BRINP3: variants seen among roughly 807,000 people sequenced by gnomAD.
BRINP3 encodes the protein BMP/retinoic acid inducible neural specific 3.
A neutral mutation model predicts 71.0 loss-of-function variants in BRINP3; 19 were observed. The observed-to-expected ratio is 0.27, with a 90% CI of 0.19 to 0.39. The LOEUF is 0.39. Ranked by LOEUF, BRINP3 falls within the 10% of genes least tolerant of loss-of-function variation. The pLI is 1.00. For missense variants in BRINP3, 959 were observed against 940.8 expected (o/e 1.02, Z -0.25); for synonymous variants, 380 against 337.7 (o/e 1.13, Z -1.37).
At chr1:190,222,273 A>G (rs1010687398) in intron 6 of BRINP3, among the ~76,000 whole-genome samples, 1 of 152,048 alleles carries the variant, frequency 6.6e-6, no homozygotes, top group African/African-American at 2.4e-5. Flanking sequence ...AACCTTGGAA[A>G]ATACACAAAC....
At chr1:190,390,830 C>T (rs1228285304) in intron 2 of BRINP3, among the ~76,000 whole-genome samples, 1 of 151,756 alleles carries the variant, frequency 6.6e-6, no homozygotes, top group Non-Finnish European at 1.5e-5. Flanking sequence ...GACCTGGAGT[C>T]CTACAGTCTC....
intron 2 of BRINP3, among the ~76,000 whole-genome samples, chr1:190,393,560 C>T (rs1005520072): frequency 6.6e-6 from 1 of 151,470 alleles, no homozygotes; most frequent in Non-Finnish European, 1.5e-5. Flanking sequence ...TTTTTATATG[C>T]ATTTATTTTT....
chr1:190,203,323 G>A (rs1030315981), intron 6 of BRINP3, among the ~76,000 whole-genome samples: 32 of 151,438 alleles, frequency 2.1e-4, no homozygotes, highest in African/African-American at 7.5e-4. Flanking sequence ...TGCCTCTAAA[G>A]GACCATGAGA....
chr1:190,264,015 A>G (rs1661428626), intron 4 of BRINP3, among the ~76,000 whole-genome samples: 1 of 152,060 alleles, frequency 6.6e-6, no homozygotes, highest in Non-Finnish European at 1.5e-5. Flanking sequence ...ACACTCCAAA[A>G]TGCTCTCTCT....
intron 3 of BRINP3, among the ~76,000 whole-genome samples, chr1:190,280,515 A>G (rs1462662731): frequency 6.6e-6 from 1 of 151,864 alleles, no homozygotes; most frequent in African/African-American, 2.4e-5. Flanking sequence ...GCAGGTGAGG[A>G]AAGAGTTTGA....
At position 190,256,734 on chromosome 1, in the gene BRINP3, T is replaced by A. The variant is rs558280046; in HGVS notation, c.618+8131A>T. Among the ~76,000 whole-genome samples, 7 of 152,290 alleles carry A rather than the reference T, an allele frequency of 4.6e-5. No individual in the cohort carries two copies. In the East Asian group the frequency reaches 9.6e-4, roughly 21 times the overall value. On this transcript the variant is annotated intron_variant, in intron 4 of 7. Coordinates refer to ENST00000367462, the MANE Select transcript of BRINP3 (RefSeq NM_199051.3). ...TGTCTGTAAATGATTTTATTTCTCCTTAAATTATGAAGCTTAGTTTGAGCT... is the reference window on the plus strand; with the variant it reads ...TGTCTGTAAATGATTTTATTTCTCCATAAATTATGAAGCTTAGTTTGAGCT...
chr1:190,376,423 T>C (rs1441329458), intron 2 of BRINP3, among the ~76,000 whole-genome samples: 1 of 152,086 alleles, frequency 6.6e-6, no homozygotes, highest in Admixed American at 6.6e-5. Flanking sequence ...GGCTATCATC[T>C]GTCTGCCTAC....
intron 2 of BRINP3, among the ~76,000 whole-genome samples, chr1:190,406,399 T>C (rs1672284756): frequency 6.6e-6 from 1 of 152,196 alleles, no homozygotes; most frequent in Non-Finnish European, 1.5e-5. Flanking sequence ...CACATTATAC[T>C]ACTATTTCTA....
At chr1:190,336,379 C>T (rs1667286197) in intron 2 of BRINP3, among the ~76,000 whole-genome samples, 1 of 151,866 alleles carries the variant, frequency 6.6e-6, no homozygotes, top group Admixed American at 6.6e-5. Flanking sequence ...TTATAATAAA[C>T]TATATATGAG....
Position 190,164,399 on chromosome 1 carries a change from T to C in BRINP3, c.962-3509A>G, listed in dbSNP as rs139479750. On this transcript the variant is annotated intron_variant, in intron 6 of 7. Transcript: ENST00000367462. Reference sequence around the variant, plus strand: ...TCAAAACAGAAGCTGCTGTCATTGGTAAGCAGGACTATGGATAGGGAGTAT... The same window carrying C: ...TCAAAACAGAAGCTGCTGTCATTGGCAAGCAGGACTATGGATAGGGAGTAT... Among the ~76,000 whole-genome samples, 655 of 152,226 alleles carry C rather than the reference T, an allele frequency of 4.3e-3. 2 individuals carry two copies. Among genetic ancestry groups the C allele is most frequent in the African/African-American group, 0.015 (626 of 41,552 alleles).
At chr1:190,416,809 A>G (rs1313915267) in intron 2 of BRINP3, among the ~76,000 whole-genome samples, 1 of 152,138 alleles carries the variant, frequency 6.6e-6, no homozygotes, top group East Asian at 1.9e-4. Flanking sequence ...TTTTGCAGCT[A>G]TTGACAGTAT....
intron 2 of BRINP3, among the ~76,000 whole-genome samples, chr1:190,389,456 C>T (rs1312863666): frequency 6.6e-6 from 1 of 151,682 alleles, no homozygotes; most frequent in Non-Finnish European, 1.5e-5. Flanking sequence ...CATTGTATTC[C>T]CTTACAAATA....
chr1:190,271,493 C>A lies in BRINP3; in HGVS notation c.428-6438G>T, dbSNP rs186613188. Among the ~76,000 whole-genome samples, 25 of 151,548 alleles carry A rather than the reference C, an allele frequency of 1.6e-4. No individual in the cohort carries two copies. The East Asian group carries it at 4.8e-3, about 29-fold the overall frequency. ...ATATATTATTATTCTCTTTTATTCA[C>A]CACTATTATTCAGAGCTGCATAAAT... is the stretch of plus-strand genomic sequence containing the variant. On this transcript the variant is annotated intron_variant, in intron 3 of 7. Transcript: ENST00000367462.
At chr1:190,191,334 T>A (rs1654017662) in intron 6 of BRINP3, among the ~76,000 whole-genome samples, 1 of 152,052 alleles carries the variant, frequency 6.6e-6, no homozygotes, top group Non-Finnish European at 1.5e-5. Flanking sequence ...ACGTGCAGGT[T>A]TGTTACACAG....
intron 2 of BRINP3, among the ~76,000 whole-genome samples, chr1:190,381,820 G>A (rs1670568296): frequency 6.6e-6 from 1 of 152,064 alleles, no homozygotes; most frequent in African/African-American, 2.4e-5. Context: ...TTATTTCCAA[G>A]ACTATTTTAA....
chr1:190,132,918 A>G (rs1373586028), intron 7 of BRINP3, among the ~76,000 whole-genome samples: 1 of 152,092 alleles, frequency 6.6e-6, no homozygotes, highest in African/African-American at 2.4e-5. Flanking sequence ...AGGACACTCA[A>G]AAAGCACTTT....
rs71123082 is a variant in BRINP3 at position 190,307,258 on chromosome 1, G to GTTT, written c.237-25511_237-25509dup. ...AACTGAGCTCCTCATTTAAAACATT[G>GTTT]TTTTTTTTTTTTTTTTTTTTTTTTT... On this transcript the variant is annotated intron_variant, in intron 2 of 7. Coordinates refer to ENST00000367462, the MANE Select transcript of BRINP3 (RefSeq NM_199051.3). 8.4e-4 allele frequency among the ~76,000 whole-genome samples: 44 copies of GTTT among 52,634 alleles called. 11 individuals carry two copies. The East Asian group carries it at 9.7e-3, about 12-fold the overall frequency. The allele number at this position is 52,634 out of a possible 152,430, so 34.5% of individuals were successfully genotyped here.
At position 190,225,965 on chromosome 1, in the gene BRINP3, A is replaced by G. The variant is rs1657330888; in HGVS notation, c.961+117T>C. The G allele has an allele frequency of 7.1e-6, 5 of 706,894 alleles. No homozygotes were observed. The South Asian group carries it at 1.0e-4, about 15-fold the overall frequency. 43.8% of individuals were successfully genotyped at this position (706,894 alleles called of 1,614,324 possible). A position where few individuals can be genotyped will look rare whatever the true frequency, so the allele number is the denominator to read the frequency against. On this transcript the variant is annotated intron_variant, in intron 6 of 7. Coordinates refer to ENST00000367462, the MANE Select transcript of BRINP3 (RefSeq NM_199051.3). ...GCAATGAAAATGTCCATTTGAAAGA[A>G]TAAAAAAATGAAAATCTTTCCAACT...
intron 6 of BRINP3, among the ~76,000 whole-genome samples, chr1:190,190,433 C>A (rs1040221375): frequency 6.6e-6 from 1 of 152,056 alleles, no homozygotes; most frequent in African/African-American, 2.4e-5. Flanking sequence ...GTACTATGAT[C>A]TCTCATTTGG....
Sources: gnomAD v4.1 joint callset for allele counts (sites outside exome capture counted in the v4.1 genomes callset) on GRCh38, gnomAD v4.1.1 for gene constraint, MANE v1.5 for transcripts, NCBI Gene and HGNC (gene_info 2026-07-23, HGNC 2026-07-21) for gene names.